CTBP1: variants seen among roughly 807,000 people sequenced by gnomAD.
CTBP1 encodes C-terminal binding protein 1.
CTBP1 carries 11 observed loss-of-function variants against 42.1 expected under a neutral mutation model. The ratio of observed to expected loss-of-function variants is 0.26; its 90% CI spans 0.16 to 0.43. The LOEUF (loss-of-function observed/expected upper bound fraction) is 0.43. Ranked by LOEUF, CTBP1 falls within the 20% of genes least tolerant of loss-of-function variation. CTBP1 has a pLI of 1.00. For missense variants in CTBP1, 399 were observed against 624.3 expected (o/e 0.64, Z 3.85); for synonymous variants, 324 against 277.1 (o/e 1.17, Z -1.68).
intron 1 of CTBP1, chr4:1,243,228 C>T (rs1266495015): frequency 3.0e-6 from 3 of 985,298 alleles, no homozygotes; most frequent in Admixed American, 6.1e-5. Context: ...CTTATCTATA[C>T]TGGCCAGTAC....
chr4:1,225,252 A>G (rs1577039701), intron 5 of CTBP1, 108 bp downstream of exon 5: 1 of 1,317,390 alleles, frequency 7.6e-7, no homozygotes, highest in African/African-American at 1.5e-5. Flanking sequence ...TGGGACCGAC[A>G]CCTGCAGCAG....
intron 1 of CTBP1, chr4:1,242,720 C>A (rs543009370): frequency 4.1e-6 from 4 of 985,234 alleles, no homozygotes; most frequent in Admixed American, 6.1e-5. Context: ...CCATCACCTG[C>A]GCCTGAGCCC....
rs770712122 is a variant in CTBP1, at chr4:1,248,981, C to G, written c.-254G>C. ...CGAGAGGCGCGAGCGGCCGCGGGCC[C>G]CGACCACTCCGGCGCGCTGCGCCGC... is the stretch of plus-strand genomic sequence containing the variant. On this transcript the variant is annotated 5_prime_UTR_variant, in exon 1 of 10. Coordinates refer to ENST00000382952, the MANE Select transcript of CTBP1 (RefSeq NM_001012614.2). 2.0e-6 allele frequency: 2 copies of G among 982,536 alleles called. No individual in the cohort carries two copies. Among genetic ancestry groups the G allele is most frequent in the East Asian group, 2.3e-4 (2 of 8,716 alleles). 60.9% of individuals were successfully genotyped at this position (982,536 alleles called of 1,614,324 possible).
At chr4:1,248,860 A>ACCCCCCC in intron 1 of CTBP1, 56 bp downstream of exon 1, 56 of 562,252 alleles carry the variant, frequency 1.0e-4, no homozygotes, top group Non-Finnish European at 1.1e-4. Context: ...CCCGCGCGGC[A>ACCCCCCC]CCCGCCCCGC....
intron 1 of CTBP1, among the ~76,000 whole-genome samples, chr4:1,247,850 C>T (rs981117479): frequency 3.3e-5 from 5 of 152,230 alleles, no homozygotes; most frequent in African/African-American, 9.6e-5. Context: ...CCCCAACTCT[C>T]AGGGTTTCAC....
At chr4:1,231,192 C>CA (rs1336953608) in intron 3 of CTBP1, 2 of 131,598 alleles carry the variant, frequency 1.5e-5, no homozygotes, top group Non-Finnish European at 3.3e-5. Context: ...CACAGGTCCA[C>CA]AGGCCAGGGT....
At position 1,236,510 on chromosome 4, in the gene CTBP1, T is replaced by G. The variant is rs563769422; in HGVS notation, c.162+1673A>C. Reference sequence around the variant, plus strand: ...TCTCTGGGAAAAAACTGAAAATGAATCAAGAAGCCACAGGGCAAACCCGGT... The same window carrying G: ...TCTCTGGGAAAAAACTGAAAATGAAGCAAGAAGCCACAGGGCAAACCCGGT... On this transcript the variant is annotated intron_variant, in intron 3 of 9. Transcript: ENST00000382952. 333 of 595,644 alleles carry G rather than the reference T, an allele frequency of 5.6e-4. 3 individuals are homozygous for G. Among genetic ancestry groups the G allele is most frequent in the African/African-American group, 5.5e-3 (296 of 54,054 alleles). The allele number at this position is 595,644 out of a possible 1,614,324, so 36.9% of individuals were successfully genotyped here.
chr4:1,215,925 C>G, intron 6 of CTBP1, 66 bp downstream of exon 6: 1 of 1,509,618 alleles, frequency 6.6e-7, no homozygotes, highest in Non-Finnish European at 9.0e-7. Context: ...TGGGAGGGAC[C>G]TGCCTGACAC....
Position 1,241,423 on chromosome 4 carries a change from C to G in CTBP1, c.-92G>C. 6.9e-7 allele frequency: 1 copy of G among 1,458,070 alleles called. No homozygotes were observed. The highest frequency in any genetic ancestry group is 9.6e-7 in the Non-Finnish European group (1 of 1,038,072). 90.3% of individuals were successfully genotyped at this position (1,458,070 alleles called of 1,614,324 possible). ...CCCCAGGCAGAACCGCGTCCTGTCT[C>G]GGAGCCTCATCCCACGTCCTTAATT... On this transcript the variant is annotated 5_prime_UTR_variant, in exon 2 of 10. Coordinates refer to ENST00000382952, the MANE Select transcript of CTBP1 (RefSeq NM_001012614.2).
chr4:1,249,768 C>A (rs1483820637), upstream of CTBP1: 4 of 330,770 alleles, frequency 1.2e-5, no homozygotes, highest in Non-Finnish European at 2.5e-5. Flanking sequence ...CCGGGAAGTT[C>A]AGGGCTGGAG....
chr4:1,216,015 G>A lies in CTBP1; in HGVS notation c.705C>T (p.Leu235=). 5 of 1,611,344 alleles carry A rather than the reference G, an allele frequency of 3.1e-6. No individual in the cohort carries two copies. Among genetic ancestry groups the A allele is most frequent in the Non-Finnish European group, 4.2e-6 (5 of 1,179,730 alleles). Reference sequence around the variant, plus strand: ...CCTGCTTGACGGTGAAGTCGTTGATGAGGTGGTGGTTGTGCTCGTTGAGGC... The same window carrying A: ...CCTGCTTGACGGTGAAGTCGTTGATAAGGTGGTGGTTGTGCTCGTTGAGGC... The part of the protein sequence containing the change: ...HCGLNEHNHH[L]INDFTVKQMR... The change falls in exon 6 of 10, where the codon CTC becomes CTT. Residue 235 remains leucine (L), a synonymous_variant. Coordinates refer to ENST00000382952, the MANE Select transcript of CTBP1 (RefSeq NM_001012614.2).
Position 1,222,647 on chromosome 4 carries a change from A to G in CTBP1, c.514+2713T>C, listed in dbSNP as rs1577033506. On this transcript the variant is annotated intron_variant, in intron 5 of 9. Transcript: ENST00000382952. The stretch of plus-strand genomic sequence containing the variant: ...CCCTGGCAGGTGGGGTCCTTAACGA[A>G]CGGGGTGGCCACAGCCCTACCCTCT... 1.3e-5 allele frequency among the ~76,000 whole-genome samples: 2 copies of G among 152,126 alleles called. 1 individual carries two copies. Among genetic ancestry groups the G allele is most frequent in the South Asian group, 4.1e-4 (2 of 4,830 alleles).
chr4:1,225,623 C>T, intron 4 of CTBP1, 57 bp from the exon 5 acceptor site: 1 of 1,486,596 alleles, frequency 6.7e-7, no homozygotes, highest in Non-Finnish European at 9.0e-7. Flanking sequence ...TCCGGGAGGA[C>T]ACCGGGGCCG....
chr4:1,246,824 T>C (rs1477440246), intron 1 of CTBP1, among the ~76,000 whole-genome samples: 1 of 151,460 alleles, frequency 6.6e-6, no homozygotes, highest in Non-Finnish European at 1.5e-5. Context: ...TGACTACTTC[T>C]GTCCAGGGTT....
chr4:1,212,826 C>T (rs773692110), intron 9 of CTBP1, 87 bp downstream of exon 9: 6 of 1,174,040 alleles, frequency 5.1e-6, no homozygotes, highest in Non-Finnish European at 7.5e-6. Flanking sequence ...AGTGGAGACG[C>T]CGCCCCTCCC....
At chr4:1,221,546 T>C (rs1729734990) in intron 5 of CTBP1, 1 of 169,182 alleles carries the variant, frequency 5.9e-6, no homozygotes, top group Non-Finnish European at 1.3e-5. Flanking sequence ...TGTGTTCACG[T>C]GATGGAACCG....
At chr4:1,220,289 CAA>C (rs796075205) in intron 5 of CTBP1, among the ~76,000 whole-genome samples, 18 of 114,376 alleles carry the variant, frequency 1.6e-4, no homozygotes, top group Admixed American at 2.8e-4. Flanking sequence ...AGACTGTCTC[CAA>C]AAAAAAAAAA....
chr4:1,243,629 G>A, intron 1 of CTBP1: 9 of 985,432 alleles, frequency 9.1e-6, no homozygotes, highest in Non-Finnish European at 1.1e-5. Flanking sequence ...CAGTGTCCGA[G>A]TCCTGGAGCC....
chr4:1,213,561 G>C lies in CTBP1; in HGVS notation c.905C>G (p.Thr302Ser). ...CTCGCTGTACCATGCAGCATGGGGG[G>C]TGCAGATGAGGTTGGGTGCATCCTT... ...PLKDAPNLIC[T>S]PHAAWYSEQA... Residue 302 changes from threonine (T) to serine (S), a missense_variant, in exon 8 of 10, where the codon ACC becomes AGC. Transcript: ENST00000382952. 2.5e-6 allele frequency: 4 copies of C among 1,613,328 alleles called. No individual in the cohort carries two copies. The highest frequency in any genetic ancestry group is 2.5e-6 in the Non-Finnish European group (3 of 1,179,928).
Sources: gnomAD v4.1 joint callset for allele counts (sites outside exome capture counted in the v4.1 genomes callset) on GRCh38, gnomAD v4.1.1 for gene constraint, MANE v1.5 for transcripts, NCBI Gene and HGNC (gene_info 2026-07-23, HGNC 2026-07-21) for gene names.